QTGAL: variants seen among roughly 807,000 people sequenced by gnomAD.
QTGAL encodes queuosine-tRNA galactosyltransferase.
the QTGAL span, among the ~76,000 whole-genome samples, chr17:82,965,905 G>A: frequency 1.3e-5 from 2 of 152,102 alleles, no homozygotes; most frequent in East Asian, 1.9e-4. Flanking sequence ...CGGGGCCGAC[G>A]TGTCCCTTCT....
the QTGAL span, among the ~76,000 whole-genome samples, chr17:82,964,034 G>GC: frequency 2.9e-5 from 4 of 139,574 alleles, no homozygotes; most frequent in South Asian, 7.2e-4. Context: ...AGGTCGGGGG[G>GC]GTGGATTGCT....
chr17:83,008,827 C>T, the QTGAL span, among the ~76,000 whole-genome samples: 502 of 151,396 alleles, frequency 3.3e-3, 1 homozygote, highest in African/African-American at 0.011. Flanking sequence ...CGAGCGAGTG[C>T]GCAGGCTCCA....
At chr17:83,020,888 G>A in the QTGAL span, among the ~76,000 whole-genome samples, 29,998 of 152,114 alleles carry the variant, frequency 0.2, 3,151 homozygotes, top group Middle Eastern at 0.25. Flanking sequence ...AAGACAGAGA[G>A]AGAGATCATT....
At chr17:83,002,808 G>A in the QTGAL span, among the ~76,000 whole-genome samples, 9 of 152,174 alleles carry the variant, frequency 5.9e-5, no homozygotes, top group African/African-American at 2.2e-4. Flanking sequence ...ACACGGAGAC[G>A]CTGAAACACT....
chr17:82,975,798 C>T, the QTGAL span, among the ~76,000 whole-genome samples: 1 of 101,138 alleles, frequency 9.9e-6, no homozygotes, highest in Non-Finnish European at 1.9e-5. Flanking sequence ...CAGAGCCGGA[C>T]TCCATCCTCC....
the QTGAL span, among the ~76,000 whole-genome samples, chr17:82,975,060 C>G: frequency 4.3e-5 from 4 of 93,740 alleles, no homozygotes; most frequent in African/African-American, 1.2e-4. Flanking sequence ...GGACAGAGCC[C>G]GACTCCATCC....
chr17:83,017,874 G>C, the QTGAL span, among the ~76,000 whole-genome samples: 1 of 151,332 alleles, frequency 6.6e-6, no homozygotes, highest in Non-Finnish European at 1.5e-5. Context: ...TACCACACGT[G>C]CTCCACAAAC....
the QTGAL span, among the ~76,000 whole-genome samples, chr17:82,988,301 C>A: frequency 6.6e-6 from 1 of 152,100 alleles, no homozygotes; most frequent in Non-Finnish European, 1.5e-5. Context: ...ACTGGCTAGC[C>A]ATATGCAGAA....
At chr17:83,013,036 TCA>T in the QTGAL span, among the ~76,000 whole-genome samples, 2 of 152,142 alleles carry the variant, frequency 1.3e-5, no homozygotes, top group Non-Finnish European at 2.9e-5. Context: ...GGATATGCTG[TCA>T]CACTCTCACA....
chr17:82,990,275 GCAGT>G, the QTGAL span, among the ~76,000 whole-genome samples: 2 of 152,230 alleles, frequency 1.3e-5, no homozygotes, highest in Non-Finnish European at 2.9e-5. Context: ...TTATTTTGAA[GCAGT>G]CAGTCACTTT....
chr17:82,953,726 T>C, the QTGAL span, among the ~76,000 whole-genome samples: 1 of 152,174 alleles, frequency 6.6e-6, no homozygotes, highest in Non-Finnish European at 1.5e-5. Context: ...ATACCCCTGA[T>C]GAACACTGAT....
the QTGAL span, among the ~76,000 whole-genome samples, chr17:83,007,831 C>T: frequency 6.6e-6 from 1 of 152,186 alleles, no homozygotes; most frequent in Non-Finnish European, 1.5e-5. Context: ...CTTTAATTAA[C>T]CACGAGCCAC....
chr17:82,944,678 A>G, the QTGAL span: 1 of 152,148 alleles, frequency 6.6e-6, no homozygotes, highest in Admixed American at 6.6e-5. Context: ...TATCCCTGGG[A>G]CCGGGGAGCT....
At chr17:83,020,598 C>T in the QTGAL span, among the ~76,000 whole-genome samples, 2 of 152,204 alleles carry the variant, frequency 1.3e-5, no homozygotes, top group Admixed American at 6.5e-5. Flanking sequence ...GGCCTTGGGG[C>T]CCAGCTCACC....
the QTGAL span, among the ~76,000 whole-genome samples, chr17:83,036,356 T>C: frequency 0.013 from 2,044 of 152,090 alleles, 126 homozygotes; most frequent in Admixed American, 0.12. Context: ...CAGCTGCCCT[T>C]GGGGAAGGGG....
the QTGAL span, chr17:83,005,746 G>A: frequency 1.2e-6 from 1 of 817,388 alleles, no homozygotes; most frequent in Non-Finnish European, 2.0e-6. The surrounding 1 kb of genome is among the most constrained non-coding windows in gnomAD (Gnocchi z 5.6). Context: ...ATCCAGGCCA[G>A]CACCCCTGCC....
At chr17:83,020,545 G>A in the QTGAL span, among the ~76,000 whole-genome samples, 1 of 152,246 alleles carries the variant, frequency 6.6e-6, no homozygotes. Context: ...CTGGAGCGGA[G>A]AAGCCCAGAG....
the QTGAL span, among the ~76,000 whole-genome samples, chr17:82,962,651 G>C: frequency 2.8e-4 from 35 of 123,260 alleles, 1 homozygote; most frequent in Non-Finnish European, 5.6e-5. Flanking sequence ...TGGTGGACAC[G>C]GACCCTCGCA....
chr17:82,970,574 G>GCGTGGACTGACCTCCGCACCCA, the QTGAL span, among the ~76,000 whole-genome samples: 5 of 72,480 alleles, frequency 6.9e-5, 1 homozygote, highest in South Asian at 4.1e-4. Flanking sequence ...CTCCGCACCC[G>GCGTGGACTGACCTCCGCACCCA]GCGTGGCCGC....
Sources: gnomAD v4.1 joint callset for allele counts (sites outside exome capture counted in the v4.1 genomes callset) on GRCh38, gnomAD v4.1.1 for gene constraint, Gnocchi (gnomAD v3.1) non-coding constraint, MANE v1.5 for transcripts, NCBI Gene and HGNC (gene_info 2026-07-23, HGNC 2026-07-21) for gene names.